APBA1: variants seen among roughly 807,000 people sequenced by gnomAD.
The protein encoded by APBA1 is amyloid beta precursor protein binding family A member 1, also known as amyloid-beta A4 precursor protein-binding family A member 1.
A neutral mutation model predicts 86.6 loss-of-function variants in APBA1; 55 were observed. That is an observed-to-expected ratio of 0.64 (90% CI 0.51 to 0.80). APBA1 has a LOEUF of 0.80. Ranked by LOEUF, APBA1 falls within the 30% of genes least tolerant of loss-of-function variation. The pLI is 0.00. For missense variants in APBA1, 1,090 were observed against 1,183.0 expected (o/e 0.92, Z 1.15); for synonymous variants, 511 against 493.9 (o/e 1.03, Z -0.46).
At chr9:69,503,214 A>C (rs1482514500) in intron 2 of APBA1, among the ~76,000 whole-genome samples, 2 of 152,146 alleles carry the variant, frequency 1.3e-5, no homozygotes, top group Non-Finnish European at 2.9e-5. Flanking sequence ...AGTCATCTCT[A>C]AAGGATTCCT....
At chr9:69,567,539 C>T (rs1011024651) in intron 1 of APBA1, among the ~76,000 whole-genome samples, 2 of 152,098 alleles carry the variant, frequency 1.3e-5, no homozygotes, top group African/African-American at 2.4e-5. Context: ...TCGTCATTTA[C>T]ATTAGGTATA....
chr9:69,458,121 A>G (rs374730904), intron 6 of APBA1, 35 bp downstream of exon 6: 17 of 1,581,234 alleles, frequency 1.1e-5, no homozygotes, highest in Non-Finnish European at 1.5e-5. Context: ...AAGAACAGGC[A>G]TAACACCAAG....
chr9:69,445,825 G>A (rs1239983196), intron 10 of APBA1, among the ~76,000 whole-genome samples: 1 of 152,198 alleles, frequency 6.6e-6, no homozygotes, highest in Non-Finnish European at 1.5e-5. Flanking sequence ...GCCAGATGCA[G>A]AATGCACACT....
At chr9:69,644,764 C>G (rs572734671) in intron 1 of APBA1, among the ~76,000 whole-genome samples, 6 of 152,200 alleles carry the variant, frequency 3.9e-5, no homozygotes, top group Admixed American at 2.6e-4. Context: ...AATGGTGACA[C>G]CCCTTGGAAG....
At chr9:69,658,218 T>TTCTCTCTC (rs1332371240) in intron 1 of APBA1, among the ~76,000 whole-genome samples, 7 of 149,306 alleles carry the variant, frequency 4.7e-5, no homozygotes, top group African/African-American at 1.8e-4. Flanking sequence ...CTCAAGTCCT[T>TTCTCTCTC]TCTCTCTTTC....
chr9:69,640,122 T>C (rs1004948834), intron 1 of APBA1, among the ~76,000 whole-genome samples: 1 of 152,132 alleles, frequency 6.6e-6, no homozygotes, highest in Non-Finnish European at 1.5e-5. Flanking sequence ...ATTAATAAAA[T>C]AAGCGTTATC....
chr9:69,541,445 C>T (rs947578286), intron 1 of APBA1, among the ~76,000 whole-genome samples: 1 of 151,952 alleles, frequency 6.6e-6, no homozygotes, highest in Non-Finnish European at 1.5e-5. Context: ...TTTGCATTTC[C>T]TTAATGATTA....
At chr9:69,648,568 A>G (rs1184864105) in intron 1 of APBA1, among the ~76,000 whole-genome samples, 1 of 152,174 alleles carries the variant, frequency 6.6e-6, no homozygotes, top group Non-Finnish European at 1.5e-5. Flanking sequence ...ATTATTTTTA[A>G]AGGTTTCCAA....
intron 1 of APBA1, among the ~76,000 whole-genome samples, chr9:69,563,981 C>T (rs1277848628): frequency 2.0e-5 from 3 of 152,126 alleles, no homozygotes; most frequent in Non-Finnish European, 4.4e-5. Flanking sequence ...GCAAGAGACC[C>T]CTTTTTCCGG....
At chr9:69,519,528 T>C (rs750200305) in intron 1 of APBA1, among the ~76,000 whole-genome samples, 1 of 152,226 alleles carries the variant, frequency 6.6e-6, no homozygotes, top group African/African-American at 2.4e-5. Flanking sequence ...TAAATCTACA[T>C]TGGGTTCTTA....
chr9:69,473,972 A>G (rs2133836282), intron 3 of APBA1, among the ~76,000 whole-genome samples: 1 of 152,338 alleles, frequency 6.6e-6, no homozygotes, highest in Middle Eastern at 3.4e-3. Context: ...GAAACTAACA[A>G]ATTTGCCTTA....
intron 1 of APBA1, among the ~76,000 whole-genome samples, chr9:69,643,695 G>A (rs1011426619): frequency 6.6e-6 from 1 of 152,116 alleles, no homozygotes; most frequent in Non-Finnish European, 1.5e-5. Flanking sequence ...CGACGGATTC[G>A]TCTTGAGGTC....
chr9:69,621,723 G>T (rs1822822052), intron 1 of APBA1, among the ~76,000 whole-genome samples: 1 of 151,962 alleles, frequency 6.6e-6, no homozygotes, highest in Admixed American at 6.6e-5. Flanking sequence ...CTGGCACAAG[G>T]CACTAAGTGG....
chr9:69,582,501 C>T (rs1390897167), intron 1 of APBA1, among the ~76,000 whole-genome samples: 1 of 152,202 alleles, frequency 6.6e-6, no homozygotes, highest in Non-Finnish European at 1.5e-5. Flanking sequence ...TTGTCTGCTA[C>T]TCTTTCCTCT....
intron 1 of APBA1, among the ~76,000 whole-genome samples, chr9:69,659,445 G>A (rs922938145): frequency 6.6e-6 from 1 of 152,174 alleles, no homozygotes; most frequent in Non-Finnish European, 1.5e-5. Context: ...CATTCCACAT[G>A]AGAAGCTGCA....
chr9:69,477,176 A>C (rs1393700988), intron 2 of APBA1, among the ~76,000 whole-genome samples: 9 of 152,034 alleles, frequency 5.9e-5, no homozygotes, highest in South Asian at 2.1e-4. Flanking sequence ...GCGACACAGA[A>C]GATGGGTGAT....
intron 5 of APBA1, among the ~76,000 whole-genome samples, chr9:69,466,749 G>A (rs1564042304): frequency 1.3e-5 from 2 of 152,312 alleles, no homozygotes; most frequent in South Asian, 2.1e-4. Context: ...CAGTTACTGC[G>A]GTCTACCTGT....
At chr9:69,608,308 C>A (rs1050641701) in intron 1 of APBA1, among the ~76,000 whole-genome samples, 3 of 152,166 alleles carry the variant, frequency 2.0e-5, no homozygotes, top group African/African-American at 7.2e-5. Context: ...AACTAATGCA[C>A]CCGTACCAGA....
At chr9:69,586,062 T>C (rs1180870153) in intron 1 of APBA1, among the ~76,000 whole-genome samples, 2 of 152,200 alleles carry the variant, frequency 1.3e-5, no homozygotes, top group African/African-American at 2.4e-5. Flanking sequence ...TCTGCTGTCA[T>C]AGAACTCCTG....
Sources: allele counts gnomAD v4.1 joint callset (sites outside exome capture counted in the v4.1 genomes callset), GRCh38; gene constraint gnomAD v4.1.1; transcripts MANE v1.5; gene names NCBI Gene and HGNC (gene_info 2026-07-23, HGNC 2026-07-21).